TAS2R1: variants seen among roughly 807,000 people sequenced by gnomAD.
TAS2R1 encodes taste receptor type 2 member 1.
For synonymous variants in TAS2R1, 141 were observed against 134.2 expected (o/e 1.05, Z -0.35); for missense variants, 370 against 353.4 (o/e 1.05, Z -0.38).
At chr5:9,849,995 C>T in the TAS2R1 span, among the ~76,000 whole-genome samples, 2 of 152,314 alleles carry the variant, frequency 1.3e-5, no homozygotes, top group East Asian at 1.9e-4. Context: ...ATTTATCTCA[C>T]AGTTCGTGCT....
At chr5:9,842,483 G>A in the TAS2R1 span, among the ~76,000 whole-genome samples, 2 of 151,852 alleles carry the variant, frequency 1.3e-5, no homozygotes, top group Admixed American at 1.3e-4. Flanking sequence ...ACCACGGCCG[G>A]CTAATTTCTT....
the TAS2R1 span, among the ~76,000 whole-genome samples, chr5:9,866,597 C>T: frequency 1.3e-5 from 2 of 152,178 alleles, no homozygotes; most frequent in African/African-American, 2.4e-5. Flanking sequence ...TGAGGAATGG[C>T]ATGTTTCCAG....
Position 9,636,261 on chromosome 5 carries a change from G to C in TAS2R1, c.-80-6269C>G, listed in dbSNP as rs1231712019. Among the ~76,000 whole-genome samples, 3 of 151,978 alleles carry C rather than the reference G, an allele frequency of 2.0e-5. No homozygotes were observed. In the South Asian group the frequency reaches 6.2e-4, roughly 32 times the overall value. ...TGTATAGTTTTGAGAGTTCCTTATG[G>C]AGTTAATTTCCAGTTTTATTTCACT... On this transcript the variant is annotated intron_variant, in intron 2 of 2. Transcript: ENST00000506620.
chr5:9,735,667 G>T, the TAS2R1 span, among the ~76,000 whole-genome samples: 7 of 152,288 alleles, frequency 4.6e-5, no homozygotes, highest in East Asian at 1.4e-3. Flanking sequence ...AACTACAGTT[G>T]CGATGTTAAG....
the TAS2R1 span, among the ~76,000 whole-genome samples, chr5:9,724,262 CT>C: frequency 3.3e-5 from 5 of 152,026 alleles, no homozygotes; most frequent in Non-Finnish European, 7.4e-5. Context: ...GCAAGGCAAC[CT>C]TTTTTTCTGG....
chr5:9,902,308 A>C, the TAS2R1 span, among the ~76,000 whole-genome samples: 2 of 151,996 alleles, frequency 1.3e-5, no homozygotes, highest in Admixed American at 6.6e-5. Context: ...CATGTTCTAG[A>C]ATGTTACTGT....
At chr5:9,898,274 T>A in the TAS2R1 span, among the ~76,000 whole-genome samples, 3 of 152,292 alleles carry the variant, frequency 2.0e-5, no homozygotes, top group East Asian at 5.8e-4. Context: ...AAGTACAGAA[T>A]TCCCAAATAC....
At chr5:9,740,714 G>C in the TAS2R1 span, among the ~76,000 whole-genome samples, 2 of 152,286 alleles carry the variant, frequency 1.3e-5, no homozygotes, top group African/African-American at 4.8e-5. Flanking sequence ...AGTAACACAG[G>C]GGCCCATTTC....
chr5:9,766,915 T>C, the TAS2R1 span, among the ~76,000 whole-genome samples: 1 of 152,168 alleles, frequency 6.6e-6, no homozygotes, highest in Non-Finnish European at 1.5e-5. Flanking sequence ...TGCTCCTCAC[T>C]TCCTCATTGA....
chr5:9,737,748 G>A, the TAS2R1 span, among the ~76,000 whole-genome samples: 1 of 152,326 alleles, frequency 6.6e-6, no homozygotes, highest in South Asian at 2.1e-4. Flanking sequence ...TCAGTTAGCA[G>A]TATCCCAAAG....
chr5:9,865,566 T>A, the TAS2R1 span, among the ~76,000 whole-genome samples: 1 of 152,262 alleles, frequency 6.6e-6, no homozygotes, highest in Admixed American at 6.5e-5. Context: ...TTTGCTGTTT[T>A]CTTTAACACA....
At chr5:9,815,690 A>T in the TAS2R1 span, among the ~76,000 whole-genome samples, 2 of 152,136 alleles carry the variant, frequency 1.3e-5, no homozygotes, top group African/African-American at 4.8e-5. Flanking sequence ...ACCAAAAAAA[A>T]AAAGAAGGAA....
the TAS2R1 span, among the ~76,000 whole-genome samples, chr5:9,744,814 T>G: frequency 6.6e-6 from 1 of 152,360 alleles, no homozygotes; most frequent in African/African-American, 2.4e-5. Flanking sequence ...TTTTCCATTT[T>G]GACTCAGTTA....
chr5:9,823,821 C>T, the TAS2R1 span, among the ~76,000 whole-genome samples: 3 of 152,218 alleles, frequency 2.0e-5, no homozygotes, highest in South Asian at 2.1e-4. Context: ...ACTACTAATT[C>T]GAATAGAAGT....
At chr5:9,701,568 T>C (rs1437484282) in intron 1 of TAS2R1, among the ~76,000 whole-genome samples, 1 of 152,120 alleles carries the variant, frequency 6.6e-6, no homozygotes, top group Admixed American at 6.5e-5. Context: ...AGAACCACCA[T>C]CAATAGACTG....
the TAS2R1 span, among the ~76,000 whole-genome samples, chr5:9,744,660 G>A: frequency 6.6e-6 from 1 of 152,048 alleles, no homozygotes; most frequent in Admixed American, 6.6e-5. Flanking sequence ...TTATAGCTGT[G>A]GTGGGCAAAA....
chr5:9,841,729 G>A, the TAS2R1 span, among the ~76,000 whole-genome samples: 2 of 152,130 alleles, frequency 1.3e-5, no homozygotes, highest in African/African-American at 4.8e-5. Context: ...CATTTTCCAA[G>A]ACTGTGTTTG....
rs1474027440 is a variant in TAS2R1, at chr5:9,701,169, G to A, written c.-242+11003C>T. On this transcript the variant is annotated intron_variant, in intron 1 of 2. Coordinates refer to the TAS2R1 transcript ENST00000506620. Reference sequence around the variant, plus strand: ...GTGTGTGTGGAGAAGGGGAGACAAGGGATTCAAGCTGAACAAGATTATTAT... The same window carrying A: ...GTGTGTGTGGAGAAGGGGAGACAAGAGATTCAAGCTGAACAAGATTATTAT... 3.4e-5 allele frequency among the ~76,000 whole-genome samples: 5 copies of A among 148,482 alleles called. No homozygotes were observed. The Admixed American group carries it at 3.4e-4, about 10-fold the overall frequency.
chr5:9,870,762 C>T, the TAS2R1 span, among the ~76,000 whole-genome samples: 6 of 152,270 alleles, frequency 3.9e-5, no homozygotes, highest in South Asian at 2.1e-4. Context: ...GATGCTGGAA[C>T]TGCATTTTGA....
Sources: allele counts gnomAD v4.1 joint callset (sites outside exome capture counted in the v4.1 genomes callset), GRCh38; gene constraint gnomAD v4.1.1; transcripts MANE v1.5; gene names NCBI Gene and HGNC (gene_info 2026-07-23, HGNC 2026-07-21).